BLTP2: variants seen among roughly 807,000 people sequenced by gnomAD.
BLTP2 encodes bridge-like lipid transfer protein family member 2.
the BLTP2 span, chr17:28,624,286 G>C: frequency 6.2e-7 from 1 of 1,614,186 alleles, no homozygotes; most frequent in Non-Finnish European, 8.5e-7. Context: ...TCATCCGTCT[G>C]GCAGGCAGCA....
chr17:28,621,377 G>A, the BLTP2 span: 4 of 1,593,346 alleles, frequency 2.5e-6, no homozygotes, highest in Non-Finnish European at 2.6e-6. Flanking sequence ...ATCATTTGAT[G>A]CAGAGGAGGG....
At chr17:28,622,468 A>G in the BLTP2 span, among the ~76,000 whole-genome samples, 1 of 152,206 alleles carries the variant, frequency 6.6e-6, no homozygotes, top group African/African-American at 2.4e-5. Flanking sequence ...AGAACTGCAA[A>G]TGGACTTATC....
the BLTP2 span, chr17:28,632,356 G>A: frequency 2.5e-5 from 20 of 785,308 alleles, no homozygotes; most frequent in African/African-American, 3.3e-4. Context: ...ACAGCACCTA[G>A]CCTCACATTC....
chr17:28,632,892 G>A, the BLTP2 span: 4 of 1,353,922 alleles, frequency 3.0e-6, no homozygotes, highest in Admixed American at 7.8e-5. Context: ...CAGCATCCAT[G>A]CCCGTCCTCC....
At chr17:28,620,730 C>T in the BLTP2 span, 1 of 1,360,350 alleles carries the variant, frequency 7.4e-7, no homozygotes. Flanking sequence ...TAGTCAACCC[C>T]ACAGAAAGGG....
At chr17:28,635,489 T>C in the BLTP2 span, 2 of 1,614,112 alleles carry the variant, frequency 1.2e-6, no homozygotes, top group Non-Finnish European at 8.5e-7. Context: ...GATGGTACAG[T>C]CTCAGGAAAC....
chr17:28,625,420 C>G, the BLTP2 span, among the ~76,000 whole-genome samples: 1 of 151,430 alleles, frequency 6.6e-6, no homozygotes, highest in Non-Finnish European at 1.5e-5. Context: ...ATTCTCTTAC[C>G]TCTATGCTGA....
chr17:28,640,706 TA>T, the BLTP2 span: 1 of 1,612,576 alleles, frequency 6.2e-7, no homozygotes, highest in South Asian at 1.1e-5. Flanking sequence ...ATGAATAACG[TA>T]AGAACCATCA....
At chr17:28,619,006 GA>G in the BLTP2 span, 1 of 1,578,508 alleles carries the variant, frequency 6.3e-7, no homozygotes, top group Non-Finnish European at 8.7e-7. Flanking sequence ...GCCAGTAAGG[GA>G]AACAGCACAT....
chr17:28,640,413 T>A, the BLTP2 span: 140 of 822,234 alleles, frequency 1.7e-4, no homozygotes, highest in East Asian at 9.3e-4. Context: ...ATAATTTTTT[T>A]AATTTTTCCC....
chr17:28,643,907 A>T, the BLTP2 span: 1 of 1,080,594 alleles, frequency 9.3e-7, no homozygotes, highest in Non-Finnish European at 1.4e-6. Context: ...GCGTTCTCCA[A>T]CTAGCTCTAA....
the BLTP2 span, chr17:28,637,764 T>C: frequency 3.0e-5 from 45 of 1,496,080 alleles, no homozygotes; most frequent in South Asian, 4.5e-4. Context: ...CTCTGCCTCC[T>C]GGGTTGAAGT....
At chr17:28,632,137 T>C in the BLTP2 span, 1 of 1,614,230 alleles carries the variant, frequency 6.2e-7, no homozygotes, top group Non-Finnish European at 8.5e-7. Context: ...ATTGAAGAGC[T>C]TTCCCCTGCA....
the BLTP2 span, chr17:28,640,165 C>T: frequency 1.6e-5 from 14 of 872,994 alleles, no homozygotes; most frequent in Middle Eastern, 7.2e-4. Flanking sequence ...GAGGCCGAGG[C>T]AGGGGGATCA....
chr17:28,631,692 G>A, the BLTP2 span: 1 of 1,613,828 alleles, frequency 6.2e-7, no homozygotes, highest in Non-Finnish European at 8.5e-7. Context: ...CTGAGAAAAA[G>A]AGGCACACAG....
At chr17:28,643,614 G>C in the BLTP2 span, 1 of 1,613,698 alleles carries the variant, frequency 6.2e-7, no homozygotes, top group African/African-American at 1.3e-5. Flanking sequence ...ACTCACGGAA[G>C]ATCATGGCTA....
chr17:28,618,406 G>A, the BLTP2 span, among the ~76,000 whole-genome samples: 1 of 151,712 alleles, frequency 6.6e-6, no homozygotes, highest in South Asian at 2.1e-4. Context: ...TATGCACCAC[G>A]ATGCCCAGCT....
At chr17:28,632,847 C>T in the BLTP2 span, 2 of 938,266 alleles carry the variant, frequency 2.1e-6, no homozygotes, top group South Asian at 4.8e-5. Context: ...CTTCTCCCCT[C>T]CCCTCCCCTC....
the BLTP2 span, among the ~76,000 whole-genome samples, chr17:28,630,736 G>C: frequency 1.4e-5 from 2 of 147,128 alleles, no homozygotes; most frequent in African/African-American, 5.0e-5. Flanking sequence ...CATCCGCCTT[G>C]GCCTCCCAAA....
Sources: allele counts gnomAD v4.1 joint callset (sites outside exome capture counted in the v4.1 genomes callset), GRCh38; gene constraint gnomAD v4.1.1; transcripts MANE v1.5; gene names NCBI Gene and HGNC (gene_info 2026-07-23, HGNC 2026-07-21).